S100G: variants seen among roughly 807,000 people sequenced by gnomAD.
S100G encodes the protein S100 calcium binding protein G, also known as protein S100-G.
A neutral mutation model predicts 4.4 loss-of-function variants in S100G; 4 were observed. The ratio of observed to expected loss-of-function variants is 0.91; its 90% CI spans 0.45 to 2.09. S100G has a LOEUF of 2.09. Ranked by LOEUF, S100G falls within the 30% of genes most tolerant of loss-of-function variation. The probability of loss-of-function intolerance (pLI) is 0.03; values close to 1 mark genes in which losing one functional copy is unlikely to be tolerated. For missense variants in S100G, 48 were observed against 49.8 expected (o/e 0.96, Z 0.11); for synonymous variants, 24 against 20.1 (o/e 1.20, Z -0.53).
intron 1 of S100G, 86 bp from the exon 2 acceptor site, chrX:16,650,913 A>T (rs934484992): frequency 1.3e-6 from 1 of 799,114 alleles, no homozygotes; most frequent in Non-Finnish European, 1.8e-6. Flanking sequence ...GAAATGGCCC[A>T]ATGGCACTAA....
intron 2 of S100G, among the ~76,000 whole-genome samples, chrX:16,653,976 T>C (rs1486142227): frequency 9.0e-6 from 1 of 111,204 alleles, no homozygotes; most frequent in Non-Finnish European, 1.9e-5. Context: ...TCATGTAATA[T>C]GTCAGCCCTA....
intron 2 of S100G, among the ~76,000 whole-genome samples, chrX:16,651,811 C>T (rs1277389196): frequency 5.4e-5 from 6 of 111,812 alleles, no homozygotes; most frequent in South Asian, 3.7e-4. Flanking sequence ...AAGAGCTGAT[C>T]GTCCTCACTC....
intron 2 of S100G, 34 bp downstream of exon 2, chrX:16,651,175 A>G (rs1307812182): frequency 3.5e-6 from 2 of 564,795 alleles, no homozygotes; most frequent in African/African-American, 2.4e-5. Context: ...ACTTAATGGG[A>G]CTGATGGTGG....
intron 1 of S100G, 41 bp from the exon 2 acceptor site, chrX:16,650,958 T>G: frequency 1.7e-6 from 2 of 1,155,257 alleles, no homozygotes; most frequent in Non-Finnish European, 2.4e-6. Flanking sequence ...AAAACTGTAC[T>G]TCAGCTTTTT....
chrX:16,652,855 A>T (rs1194420833), intron 2 of S100G, among the ~76,000 whole-genome samples: 1 of 111,824 alleles, frequency 8.9e-6, no homozygotes, highest in Non-Finnish European at 1.9e-5. Context: ...ATGGTTTAGA[A>T]TCTAGTAAAG....
Position 16,654,590 on chromosome X carries a change from G to A in S100G, c.*81G>A, listed in dbSNP as rs766763716. ...CTTATCCTATGTGGAATCCCCCAAA[G>A]TCTCTGGTTTAATTCTTTGCAATTA... On this transcript the variant is annotated 3_prime_UTR_variant, in exon 3 of 3. Coordinates refer to ENST00000380200, the MANE Select transcript of S100G (RefSeq NM_004057.3). 1 of 508,426 alleles carries A rather than the reference G, an allele frequency of 2.0e-6. No homozygotes were observed. The highest frequency in any genetic ancestry group is 3.2e-6 in the Non-Finnish European group (1 of 309,328). The allele number at this position is 508,426 out of a possible 1,213,427, so 41.9% of individuals were successfully genotyped here.
rs1479313410 is a variant in S100G at position 16,654,575 on chromosome X, G to A, written c.*66G>A. ...CGCCTGTGCTGTGGTCTTATCCTAT[G>A]TGGAATCCCCCAAAGTCTCTGGTTT... On this transcript the variant is annotated 3_prime_UTR_variant, in exon 3 of 3. Transcript: ENST00000380200. 2 of 592,359 alleles carry A rather than the reference G, an allele frequency of 3.4e-6. No individual in the cohort carries two copies. Among genetic ancestry groups the A allele is most frequent in the Non-Finnish European group, 5.3e-6 (2 of 375,483 alleles). 48.8% of individuals were successfully genotyped at this position (592,359 alleles called of 1,213,427 possible).
intron 1 of S100G, among the ~76,000 whole-genome samples, chrX:16,650,712 G>A (rs1932575980): frequency 1.8e-5 from 2 of 109,102 alleles, no homozygotes; most frequent in Admixed American, 9.9e-5. Context: ...CACCATGTTG[G>A]CCAGGCTTCC....
chrX:16,650,584 C>G (rs1932563424), intron 1 of S100G, among the ~76,000 whole-genome samples: 1 of 100,000 alleles, frequency 1.0e-5, no homozygotes, highest in African/African-American at 3.7e-5. Flanking sequence ...TGGCATCGCA[C>G]TCACTGCAAC....
chrX:16,653,927 T>C (rs183756656), intron 2 of S100G, among the ~76,000 whole-genome samples: 8 of 110,949 alleles, frequency 7.2e-5, no homozygotes, highest in Admixed American at 2.9e-4. Context: ...CATAGGGTGG[T>C]CGGAAGGATT....
Position 16,654,393 on chromosome X carries a change from T to A in S100G, c.136-12T>A, listed in dbSNP as rs376879718. 1 of 1,105,464 alleles carries A rather than the reference T, an allele frequency of 9.0e-7. No homozygotes were observed. Among genetic ancestry groups the A allele is most frequent in the Non-Finnish European group, 1.2e-6 (1 of 819,981 alleles). 91.1% of individuals were successfully genotyped at this position (1,105,464 alleles called of 1,213,427 possible). ...TCCCCTCCCTTCTCCCATCCTTTTT[T>A]ATGTAAAACAGGGTCCAAACACCCT... On this transcript the variant is annotated splice_polypyrimidine_tract_variant and intron_variant, in intron 2 of 2. Transcript: ENST00000380200.
chrX:16,653,167 C>T (rs1030400828), intron 2 of S100G, among the ~76,000 whole-genome samples: 7 of 110,560 alleles, frequency 6.3e-5, no homozygotes, highest in African/African-American at 1.6e-4. Flanking sequence ...TTATTTCAAT[C>T]GGTTTTCTAA....
chrX:16,653,774 A>G (rs1932757230), intron 2 of S100G, among the ~76,000 whole-genome samples: 1 of 112,368 alleles, frequency 8.9e-6, no homozygotes, highest in Non-Finnish European at 1.9e-5. Flanking sequence ...ACGTTTGGGA[A>G]AAACTGGGCG....
At position 16,651,878 on chromosome X, in the gene S100G, C is replaced by T. The variant is rs752985872; in HGVS notation, c.135+737C>T. 6.3e-5 allele frequency among the ~76,000 whole-genome samples: 7 copies of T among 111,314 alleles called. No homozygotes were observed. The South Asian group carries it at 2.7e-3, about 42-fold the overall frequency. On this transcript the variant is annotated intron_variant, in intron 2 of 2. Transcript: ENST00000380200. Reference sequence around the variant, plus strand: ...AGAAAAAGCTGAGTCAGGACACTTGCCAAGGATGGTAAGGCAACTTACTCC... The same window carrying T: ...AGAAAAAGCTGAGTCAGGACACTTGTCAAGGATGGTAAGGCAACTTACTCC...
chrX:16,652,204 A>AGT (rs200594572), intron 2 of S100G, among the ~76,000 whole-genome samples: 1,939 of 111,793 alleles, frequency 0.017, 44 homozygotes, highest in African/African-American at 0.06. Flanking sequence ...CAAAGGAGAG[A>AGT]GTCATTGTCA....
chrX:16,650,731 G>A (rs1028355217), intron 1 of S100G, among the ~76,000 whole-genome samples: 2 of 109,498 alleles, frequency 1.8e-5, no homozygotes, highest in Admixed American at 9.8e-5. Context: ...CCATGGTCTC[G>A]AACTCCTGAC....
Position 16,652,963 on chromosome X carries a change from T to C in S100G, c.136-1442T>C, listed in dbSNP as rs191016919. ...TAAAGCAAAGTGCTAAGTGTTTTTG[T>C]AGGAATCTTAGGGGTTAAAATATAT... is the stretch of plus-strand genomic sequence containing the variant. On this transcript the variant is annotated intron_variant, in intron 2 of 2. Transcript: ENST00000380200. Among the ~76,000 whole-genome samples, 267 of 111,676 alleles carry C rather than the reference T, an allele frequency of 2.4e-3. 1 individual carries two copies. Among genetic ancestry groups the C allele is most frequent in the African/African-American group, 8.0e-3 (245 of 30,807 alleles).
At chrX:16,652,919 T>C (rs1273204249) in intron 2 of S100G, among the ~76,000 whole-genome samples, 1 of 111,699 alleles carries the variant, frequency 9.0e-6, no homozygotes, top group African/African-American at 3.2e-5. Flanking sequence ...ATAAGTAACT[T>C]ACAGTTTGGT....
chrX:16,650,692 G>C (rs993761993), intron 1 of S100G, among the ~76,000 whole-genome samples: 2 of 108,746 alleles, frequency 1.8e-5, no homozygotes, highest in Non-Finnish European at 3.8e-5. Flanking sequence ...TTTGTATAGA[G>C]ACAGGGTCTC....
Sources: allele counts gnomAD v4.1 joint callset (sites outside exome capture counted in the v4.1 genomes callset), GRCh38; gene constraint gnomAD v4.1.1; transcripts MANE v1.5; gene names NCBI Gene and HGNC (gene_info 2026-07-23, HGNC 2026-07-21).